The following VIPR2 variants were observed in gnomAD, a reference collection of about 807,000 sequenced individuals.
VIPR2 encodes the protein vasoactive intestinal peptide receptor 2, also known as vasoactive intestinal polypeptide receptor 2.
A neutral mutation model predicts 58.0 loss-of-function variants in VIPR2; 48 were observed. That is an observed-to-expected ratio of 0.83 (90% CI 0.66 to 1.05). The LOEUF (loss-of-function observed/expected upper bound fraction) is 1.05, where lower values mean the gene tolerates loss of function less well. Ranked by LOEUF, VIPR2 falls within the 50% of genes least tolerant of loss-of-function variation. VIPR2 has a pLI of 0.00. For synonymous variants in VIPR2, 243 were observed against 235.2 expected, an observed-to-expected ratio of 1.03 and a Z score of -0.30; for missense variants, 534 against 558.0, an observed-to-expected ratio of 0.96 and a Z score of 0.43.
At chr7:159,123,705 T>C (rs2129497000) in intron 2 of VIPR2, among the ~76,000 whole-genome samples, 1 of 152,302 alleles carries the variant, frequency 6.6e-6, no homozygotes, top group African/African-American at 2.4e-5. Context: ...GGTAGTTCTG[T>C]TTTTATGTCT....
At chr7:159,136,591 CTG>C (rs1338593554) in intron 2 of VIPR2, among the ~76,000 whole-genome samples, 1 of 152,056 alleles carries the variant, frequency 6.6e-6, no homozygotes. Flanking sequence ...CACTGAGGAG[CTG>C]TGTGTGTGGT....
chr7:159,047,041 CCTGA>C (rs1272154015), intron 5 of VIPR2, among the ~76,000 whole-genome samples: 1 of 152,148 alleles, frequency 6.6e-6, no homozygotes, highest in Non-Finnish European at 1.5e-5. Context: ...TCAAGACCAG[CCTGA>C]CTAACAAGGT....
At chr7:159,069,751 A>C (rs1856285658) in intron 4 of VIPR2, among the ~76,000 whole-genome samples, 1 of 152,154 alleles carries the variant, frequency 6.6e-6, no homozygotes, top group Admixed American at 6.5e-5. Context: ...AATAAGGGAA[A>C]CTAATGTAAC....
intron 5 of VIPR2, among the ~76,000 whole-genome samples, chr7:159,056,406 T>C (rs1855331057): frequency 6.6e-6 from 1 of 152,192 alleles, no homozygotes; most frequent in South Asian, 2.1e-4. Flanking sequence ...CTGACTGTAT[T>C]GAAAAACATT....
intron 2 of VIPR2, among the ~76,000 whole-genome samples, chr7:159,115,853 C>T (rs1319054425): frequency 6.6e-6 from 1 of 152,260 alleles, no homozygotes; most frequent in African/African-American, 2.4e-5. Context: ...GTTGCTGCTT[C>T]TAGTCTTTCC....
chr7:159,047,317 G>A (rs1183680247), intron 5 of VIPR2, among the ~76,000 whole-genome samples: 1 of 152,124 alleles, frequency 6.6e-6, no homozygotes, highest in African/African-American at 2.4e-5. Flanking sequence ...CTTTTCTTTG[G>A]TTTTTGATGA....
intron 4 of VIPR2, among the ~76,000 whole-genome samples, chr7:159,061,844 CG>C (rs1855682301): frequency 6.6e-6 from 1 of 152,074 alleles, no homozygotes; most frequent in Non-Finnish European, 1.5e-5. Flanking sequence ...GGATCAAGCT[CG>C]GTGCGCGGCT....
intron 4 of VIPR2, among the ~76,000 whole-genome samples, chr7:159,066,447 G>A (rs1856100131): frequency 6.6e-6 from 1 of 152,180 alleles, no homozygotes; most frequent in South Asian, 2.1e-4. Flanking sequence ...GCGTCCATGG[G>A]ATTCCAGGAT....
intron 4 of VIPR2, among the ~76,000 whole-genome samples, chr7:159,063,517 A>G (rs940539342): frequency 8.7e-4 from 132 of 151,766 alleles, no homozygotes; most frequent in African/African-American, 3.2e-3. Context: ...CTCTCCCTCC[A>G]CACCTCCCTG....
At chr7:159,135,691 C>T (rs1390051322) in intron 2 of VIPR2, among the ~76,000 whole-genome samples, 2 of 152,026 alleles carry the variant, frequency 1.3e-5, no homozygotes, top group South Asian at 2.1e-4. Flanking sequence ...GGCGTGGTGA[C>T]AGGCGCCTGT....
In VIPR2 at chr7:159,118,883, T is replaced by C. The variant is rs138057049; in HGVS notation, c.152-8964A>G. ...CGAGTGCACAGAACCGAGGCCTGGG[T>C]GTGCGGCACAGCGCTTTGTGCACTC... is the stretch of plus-strand genomic sequence containing the variant. On this transcript the variant is annotated intron_variant, in intron 2 of 12. Transcript: ENST00000262178. 3.8e-3 allele frequency among the ~76,000 whole-genome samples: 583 copies of C among 152,322 alleles called. 5 individuals are homozygous for C. Among genetic ancestry groups the C allele is most frequent in the African/African-American group, 0.013 (558 of 41,572 alleles).
At chr7:159,112,584 A>C (rs1796058216) in intron 2 of VIPR2, among the ~76,000 whole-genome samples, 1 of 151,724 alleles carries the variant, frequency 6.6e-6, no homozygotes. Flanking sequence ...GAGAAGCGAG[A>C]GACAGGCCAT....
Position 159,035,952 on chromosome 7 carries a change from C to A in VIPR2, c.809G>T (p.Gly270Val). ...GGTTGCAGTCTGGTCATGGACTCAC[C>A]CGGTGTCTTCTAAGTAGAGCCTGGC... ...TAARLYLEDT[G>V]CWDTNDHSVP... Residue 270 changes from glycine (G) to valine (V), a missense_variant and splice_region_variant, in exon 8 of 13, where the codon GGT becomes GTT. Physicochemically the swap from Gly to Val is moderately radical, Grantham distance 109 (BLOSUM62 -3). Coordinates refer to ENST00000262178, the MANE Select transcript of VIPR2 (RefSeq NM_003382.5). 1.2e-6 allele frequency: 2 copies of A among 1,613,650 alleles called. No individual in the cohort carries two copies. Among genetic ancestry groups the A allele is most frequent in the Non-Finnish European group, 1.7e-6 (2 of 1,179,780 alleles).
In VIPR2 at chr7:159,117,222, C is replaced by A. The variant is rs1305376845; in HGVS notation, c.152-7303G>T. ...GCCCTTTCCCTAGAAGGTCCCTTGC[C>A]ATCTCAGACTGCATGGGACTTGCTT... On this transcript the variant is annotated intron_variant, in intron 2 of 12. Coordinates refer to ENST00000262178, the MANE Select transcript of VIPR2 (RefSeq NM_003382.5). 5.9e-6 allele frequency: 4 copies of A among 675,762 alleles called. No individual in the cohort carries two copies. In the African/African-American group the frequency reaches 7.1e-5, roughly 12 times the overall value. 41.9% of individuals were successfully genotyped at this position (675,762 alleles called of 1,614,324 possible). A position where few individuals can be genotyped will look rare whatever the true frequency, so the allele number is the denominator to read the frequency against.
At chr7:159,063,006 T>G (rs1320537271) in intron 4 of VIPR2, among the ~76,000 whole-genome samples, 1 of 152,210 alleles carries the variant, frequency 6.6e-6, no homozygotes, top group African/African-American at 2.4e-5. Flanking sequence ...GGGTGTTGAC[T>G]GGTGTATTTA....
At chr7:159,055,051 C>T (rs73522285) in intron 5 of VIPR2, among the ~76,000 whole-genome samples, 3,991 of 152,252 alleles carry the variant, frequency 0.026, 171 homozygotes, top group African/African-American at 0.09. Context: ...TTTGCTATGC[C>T]TCAAACTGAG....
At chr7:159,063,987 C>T (rs1386089685) in intron 4 of VIPR2, among the ~76,000 whole-genome samples, 1 of 151,196 alleles carries the variant, frequency 6.6e-6, no homozygotes, top group Non-Finnish European at 1.5e-5. Flanking sequence ...GTGCTCACAC[C>T]GGGCTGGGGT....
intron 2 of VIPR2, among the ~76,000 whole-genome samples, chr7:159,135,004 G>GTTTTTTGTTTTTTTTT (rs1416758329): frequency 1.5e-5 from 1 of 65,992 alleles, no homozygotes; most frequent in African/African-American, 6.5e-5. Flanking sequence ...AATTACAAAA[G>GTTTTTTGTTTTTTTTT]TTTTTTTTTT....
intron 4 of VIPR2, among the ~76,000 whole-genome samples, chr7:159,062,758 A>C (rs1033601812): frequency 6.6e-6 from 1 of 152,212 alleles, no homozygotes; most frequent in African/African-American, 2.4e-5. Context: ...TTGTCTCTAC[A>C]GGCTCCGGCC....
Sources: gnomAD v4.1 joint callset for allele counts (sites outside exome capture counted in the v4.1 genomes callset) on GRCh38, gnomAD v4.1.1 for gene constraint, MANE v1.5 for transcripts, NCBI Gene and HGNC (gene_info 2026-07-23, HGNC 2026-07-21) for gene names.